P2RX3: variants seen among roughly 807,000 people sequenced by gnomAD.
P2RX3 encodes purinergic receptor P2X 3.
Under a neutral mutation model 51.5 loss-of-function variants are expected in P2RX3, and 41 were observed. That is an observed-to-expected ratio of 0.80 (90% confidence interval 0.62 to 1.03). P2RX3 has a LOEUF of 1.03. Among genes scored for constraint, P2RX3 ranks in the 50% least tolerant of loss-of-function variants. The probability of loss-of-function intolerance (pLI) is 0.00; values close to 1 mark genes in which losing one functional copy is unlikely to be tolerated. For synonymous variants in P2RX3, 185 were observed against 191.6 expected, an observed-to-expected ratio of 0.97 and a Z score of 0.29; for missense variants, 459 against 522.1, an observed-to-expected ratio of 0.88 and a Z score of 1.18.
Position 57,369,371 on chromosome 11 carries a change from T to C in P2RX3, c.1013T>C (p.Leu338Pro). The part of the protein sequence containing the change: ...AFTSVGVGTV[L>P]CDIILLNFLK... ...CCTCTCCTCCTCCAGGGAACTGTTCTCTGTGACATCATCCTGCTCAACTTC... is the reference window on the plus strand; with the variant it reads ...CCTCTCCTCCTCCAGGGAACTGTTCCCTGTGACATCATCCTGCTCAACTTC... Residue 338 changes from leucine to proline, a missense_variant, in exon 11 of 12, where the codon CTC (leucine) becomes CCC (proline). Transcript: ENST00000263314. The C allele has an allele frequency of 6.2e-7, 1 of 1,610,208 alleles. No individual in the cohort carries two copies. The highest frequency in any genetic ancestry group is 1.1e-5 in the South Asian group (1 of 90,270).
chr11:57,345,697 C>G (rs1856417696), intron 1 of P2RX3, among the ~76,000 whole-genome samples: 1 of 152,032 alleles, frequency 6.6e-6, no homozygotes. Flanking sequence ...TTTGCAGGCC[C>G]TTTTGCTCGA....
At chr11:57,343,874 C>T (rs1317396909) in intron 1 of P2RX3, among the ~76,000 whole-genome samples, 2 of 152,208 alleles carry the variant, frequency 1.3e-5, no homozygotes, top group Admixed American at 6.5e-5. Context: ...ACTCCCTTCA[C>T]TCTGCAGGGC....
At chr11:57,345,086 G>A (rs925936104) in intron 1 of P2RX3, among the ~76,000 whole-genome samples, 5 of 152,218 alleles carry the variant, frequency 3.3e-5, no homozygotes, top group South Asian at 2.1e-4. Context: ...CGCAGCAGGC[G>A]GTTCTGGGAT....
At chr11:57,369,285 C>T in intron 10 of P2RX3, 76 bp from the exon 11 acceptor site, 1 of 1,300,714 alleles carries the variant, frequency 7.7e-7, no homozygotes, top group South Asian at 1.3e-5. Context: ...GCTGCCCGAG[C>T]CCAGCACTTC....
intron 8 of P2RX3, among the ~76,000 whole-genome samples, chr11:57,353,781 C>A (rs1465529446): frequency 6.6e-6 from 1 of 151,702 alleles, no homozygotes; most frequent in Admixed American, 6.6e-5. Context: ...CCAGAGGCAG[C>A]TAGAGATTCA....
chr11:57,348,048 T>A, intron 4 of P2RX3, 122 bp from the exon 5 acceptor site: 1 of 876,682 alleles, frequency 1.1e-6, no homozygotes, highest in Middle Eastern at 2.7e-4. Context: ...AGCTCCCTTT[T>A]CCCTGCCTGC....
chr11:57,357,491 G>A (rs889253853), intron 8 of P2RX3, among the ~76,000 whole-genome samples: 4 of 152,114 alleles, frequency 2.6e-5, no homozygotes, highest in Non-Finnish European at 4.4e-5. Flanking sequence ...GGACCAGTAT[G>A]GTAACGCCCA....
chr11:57,369,813 G>C (rs1247140836), intron 11 of P2RX3, 71 bp from the exon 12 acceptor site: 1 of 1,138,554 alleles, frequency 8.8e-7, no homozygotes, highest in Non-Finnish European at 1.3e-6. Context: ...TGCTGAGTCT[G>C]TCAAATGGGG....
At chr11:57,351,965 C>T (rs1299920410) in intron 8 of P2RX3, among the ~76,000 whole-genome samples, 1 of 151,996 alleles carries the variant, frequency 6.6e-6, no homozygotes, top group Admixed American at 6.5e-5. Context: ...CTGGCAGGGC[C>T]CTGTTTAAGT....
In P2RX3 at chr11:57,365,815, C is replaced by T. The variant is rs60455437; in HGVS notation, c.843-2194C>T. Among the ~76,000 whole-genome samples the T allele has an allele frequency of 7.6e-3, 1,155 of 152,346 alleles. 18 individuals carry two copies. Among genetic ancestry groups the T allele is most frequent in the African/African-American group, 0.026 (1,083 of 41,578 alleles). ...GATAGTGGCATACGTTCTCCTTCCC[C>T]ATCACAAGTTATCTTCCTCCCATGC... On this transcript the variant is annotated intron_variant, in intron 8 of 11. Coordinates refer to ENST00000263314, the MANE Select transcript of P2RX3 (RefSeq NM_002559.5).
chr11:57,344,590 T>A (rs1856399394), intron 1 of P2RX3, among the ~76,000 whole-genome samples: 1 of 151,994 alleles, frequency 6.6e-6, no homozygotes, highest in South Asian at 2.1e-4. Context: ...TCCCAGCTAC[T>A]CAGGAGGCTG....
chr11:57,347,365 A>ACCAGG, intron 3 of P2RX3, 50 bp from the exon 4 acceptor site: 2 of 1,547,758 alleles, frequency 1.3e-6, no homozygotes, highest in Non-Finnish European at 1.8e-6. Flanking sequence ...CGCGGAGCTC[A>ACCAGG]CCAGGCCAGG....
intron 1 of P2RX3, among the ~76,000 whole-genome samples, chr11:57,342,535 A>T (rs1856360759): frequency 6.6e-6 from 1 of 151,786 alleles, no homozygotes; most frequent in Non-Finnish European, 1.5e-5. Flanking sequence ...CTCCCCCAAT[A>T]TGGAACGTAG....
chr11:57,340,553 T>C (rs1201350527), intron 1 of P2RX3: 1 of 152,258 alleles, frequency 6.6e-6, no homozygotes, highest in Non-Finnish European at 1.5e-5. Context: ...GTCATTAATT[T>C]AGCAAAAATG....
intron 1 of P2RX3, among the ~76,000 whole-genome samples, chr11:57,342,704 C>T (rs1169158603): frequency 6.6e-6 from 1 of 152,090 alleles, no homozygotes. Flanking sequence ...TGTCAAGTGC[C>T]TTGCGGAGAT....
chr11:57,368,289 C>A (rs1337362485), intron 9 of P2RX3, 83 bp from the exon 10 acceptor site: 2 of 1,484,408 alleles, frequency 1.3e-6, no homozygotes, highest in Middle Eastern at 1.7e-4. Flanking sequence ...CACCAAGAAC[C>A]CTTCTGGCGC....
intron 8 of P2RX3, 112 bp from the exon 9 acceptor site, chr11:57,367,897 G>T: frequency 1.3e-6 from 1 of 779,472 alleles, no homozygotes; most frequent in Non-Finnish European, 2.2e-6. Context: ...TCAGCAAACC[G>T]TAAGTAAGGG....
At chr11:57,367,074 A>C (rs1856808932) in intron 8 of P2RX3, among the ~76,000 whole-genome samples, 1 of 150,946 alleles carries the variant, frequency 6.6e-6, no homozygotes, top group Non-Finnish European at 1.5e-5. Flanking sequence ...AGCACCTTTC[A>C]AAACTGCTCT....
chr11:57,342,836 C>T (rs1200645635), intron 1 of P2RX3, among the ~76,000 whole-genome samples: 4 of 151,990 alleles, frequency 2.6e-5, no homozygotes, highest in Non-Finnish European at 5.9e-5. Context: ...CCCACACACA[C>T]AGCGTGCACT....
Sources: allele counts gnomAD v4.1 joint callset (sites outside exome capture counted in the v4.1 genomes callset), GRCh38; gene constraint gnomAD v4.1.1; transcripts MANE v1.5; gene names NCBI Gene and HGNC (gene_info 2026-07-23, HGNC 2026-07-21).